Variants in ALDH4A1 observed in about 807,000 individuals in gnomAD.
The protein encoded by ALDH4A1 is delta-1-pyrroline-5-carboxylate dehydrogenase, mitochondrial.
In ALDH4A1, 46 loss-of-function variants were observed where a neutral mutation model predicts 70.5. The observed-to-expected ratio is 0.65, with a 90% CI of 0.51 to 0.83. The LOEUF (loss-of-function observed/expected upper bound fraction) is 0.83, where lower values mean the gene tolerates loss of function less well. ALDH4A1 is among the 40% of genes least tolerant of loss of function. The pLI is 0.00. For missense variants in ALDH4A1, 749 were observed against 766.5 expected (o/e 0.98, Z 0.27); for synonymous variants, 323 against 324.3 (o/e 1.00, Z 0.04).
chr1:18,885,829 T>C (rs1935180404), intron 4 of ALDH4A1, among the ~76,000 whole-genome samples: 1 of 152,180 alleles, frequency 6.6e-6, no homozygotes, highest in Non-Finnish European at 1.5e-5. Context: ...GTCTGAAGCC[T>C]GAAGGGCCCG....
At chr1:18,878,999 C>T (rs1478759861) in intron 9 of ALDH4A1, among the ~76,000 whole-genome samples, 1 of 152,192 alleles carries the variant, frequency 6.6e-6, no homozygotes. Context: ...CCACCAGCCA[C>T]GACTGGCTAC....
In ALDH4A1 at chr1:18,894,728, G is replaced by T. The variant is rs547252940; in HGVS notation, c.63-4623C>A. ...CTGTGCCTGGAAGTCTCCAAGCACT[G>T]GCCCAGCTGTCCGTCCATCAGTCTG... On this transcript the variant is annotated intron_variant, in intron 1 of 14. Transcript: ENST00000375341. 2.0e-5 allele frequency among the ~76,000 whole-genome samples: 3 copies of T among 152,284 alleles called. No homozygotes were observed. The South Asian group carries it at 6.2e-4, about 32-fold the overall frequency.
At chr1:18,895,348 A>G (rs16862344) in intron 1 of ALDH4A1, among the ~76,000 whole-genome samples, 12,237 of 152,244 alleles carry the variant, frequency 0.08, 742 homozygotes, top group African/African-American at 0.17. Flanking sequence ...AGTGGGATCT[A>G]ATCTACGAAG....
intron 1 of ALDH4A1, among the ~76,000 whole-genome samples, chr1:18,894,468 G>T (rs544954404): frequency 1.3e-5 from 2 of 152,370 alleles, no homozygotes; most frequent in Non-Finnish European, 2.9e-5. Flanking sequence ...ACTTGAACCT[G>T]GGAGGTAGAG....
Position 18,876,371 on chromosome 1 carries a change from A to G in ALDH4A1, c.1282T>C (p.Phe428Leu). ...GGKCDDSVGY[F>L]VEPCIVESKD... ...CTCTCCACGATGCAGGGCTCCACAA[A>G]GTAGCCCACGGAGTCATCACACTTG... The change falls in exon 12 of 15, where the codon TTT becomes CTT. Residue 428 changes from phenylalanine (F) to leucine (L), a missense_variant. Phe to Leu is a conservative substitution (Grantham distance 22, BLOSUM62 0). Transcript: ENST00000375341. 1 of 1,613,876 alleles carries G rather than the reference A, an allele frequency of 6.2e-7. No individual in the cohort carries two copies. Among genetic ancestry groups the G allele is most frequent in the Non-Finnish European group, 8.5e-7 (1 of 1,179,972 alleles).
In ALDH4A1 at chr1:18,883,137, G is replaced by A. The variant is rs1339003841; in HGVS notation, c.665C>T (p.Ala222Val). 3 of 1,613,132 alleles carry A rather than the reference G, an allele frequency of 1.9e-6. No homozygotes were observed. The highest frequency in any genetic ancestry group is 1.7e-6 in the Non-Finnish European group (2 of 1,180,036). ...FTAIGGNLAG[A>V]PALMGNVVLW... ...CCCACATCTCACCATCAGGGCCGGT[G>A]CCCCCGCCAGGTTGCCGCCGATTGC... The change falls in exon 7 of 15, where the codon GCA becomes GTA. Residue 222 changes from alanine to valine, a missense_variant. Coordinates refer to ENST00000375341, the MANE Select transcript of ALDH4A1 (RefSeq NM_003748.4).
chr1:18,878,965 C>A (rs998625412), intron 9 of ALDH4A1, among the ~76,000 whole-genome samples: 1 of 152,242 alleles, frequency 6.6e-6, no homozygotes, highest in African/African-American at 2.4e-5. Context: ...CCTCCGCTTA[C>A]AGCTGCAATG....
intron 8 of ALDH4A1, 68 bp downstream of exon 8, chr1:18,881,632 G>A: frequency 1.4e-6 from 2 of 1,481,326 alleles, no homozygotes; most frequent in South Asian, 1.2e-5. Context: ...CCCATCCCCA[G>A]GCAGACAGCA....
At chr1:18,902,320 A>T in intron 1 of ALDH4A1, 142 bp downstream of exon 1, 1 of 576,968 alleles carries the variant, frequency 1.7e-6, no homozygotes, top group South Asian at 4.0e-5. Flanking sequence ...GTCGGAGGGG[A>T]GCCCCTGAGG....
chr1:18,888,911 G>A (rs1935326645), intron 3 of ALDH4A1, among the ~76,000 whole-genome samples: 1 of 152,210 alleles, frequency 6.6e-6, no homozygotes, highest in Admixed American at 6.5e-5. Context: ...TTTGCAAAAG[G>A]GCTGACCTTT....
chr1:18,895,592 C>T (rs1438823262), intron 1 of ALDH4A1, among the ~76,000 whole-genome samples: 2 of 152,230 alleles, frequency 1.3e-5, no homozygotes, highest in Non-Finnish European at 2.9e-5. Flanking sequence ...TCACCTCCTG[C>T]ACCAGATGTC....
chr1:18,881,598 G>A (rs552699427), intron 8 of ALDH4A1, 102 bp downstream of exon 8: 83 of 1,319,616 alleles, frequency 6.3e-5, no homozygotes, highest in East Asian at 4.7e-4. Flanking sequence ...AGTAGAGTCC[G>A]TGCATGACCC....
At chr1:18,887,109 T>A (rs2100585920) in intron 3 of ALDH4A1, among the ~76,000 whole-genome samples, 1 of 152,334 alleles carries the variant, frequency 6.6e-6, no homozygotes, top group South Asian at 2.1e-4. Context: ...AAGCCCCAGA[T>A]TTACTAATCT....
intron 5 of ALDH4A1, among the ~76,000 whole-genome samples, chr1:18,884,234 C>T (rs1011473509): frequency 3.3e-5 from 5 of 152,212 alleles, no homozygotes; most frequent in Admixed American, 2.0e-4. Flanking sequence ...GCAGAGCTGA[C>T]GCCCACCCCA....
Position 18,890,124 on chromosome 1 carries a change from G to T in ALDH4A1, c.63-19C>A. On this transcript the variant is annotated intron_variant, in intron 1 of 14. Coordinates refer to ENST00000375341, the MANE Select transcript of ALDH4A1 (RefSeq NM_003748.4). ...CCGCAGGCTGGAACACAAGGGCAGG[G>T]GACAGAGGCAGAGAGGTCAGCAGCG... 1 of 1,597,964 alleles carries T rather than the reference G, an allele frequency of 6.3e-7. No homozygotes were observed. Among genetic ancestry groups the T allele is most frequent in the South Asian group, 1.1e-5 (1 of 89,302 alleles).
chr1:18,877,633 G>GCCCCGCCACCCC, intron 9 of ALDH4A1, 21 bp from the exon 10 acceptor site: 1 of 683,792 alleles, frequency 1.5e-6, no homozygotes. Context: ...CGGGGGTGGG[G>GCCCCGCCACCCC]AAATGACCAG....
intron 1 of ALDH4A1, chr1:18,900,727 G>A (rs1935771292): frequency 1.9e-6 from 1 of 513,402 alleles, no homozygotes; most frequent in African/African-American, 2.1e-5. Flanking sequence ...GGAACCAGCT[G>A]CAAAATGCTC....
intron 3 of ALDH4A1, among the ~76,000 whole-genome samples, chr1:18,887,324 G>A (rs183620020): frequency 4.6e-5 from 7 of 152,392 alleles, no homozygotes; most frequent in Middle Eastern, 3.4e-3. Flanking sequence ...TGTTGGCCGG[G>A]CGCGGTGGCT....
At chr1:18,878,606 G>C (rs1934827634) in intron 9 of ALDH4A1, among the ~76,000 whole-genome samples, 1 of 152,078 alleles carries the variant, frequency 6.6e-6, no homozygotes, top group Non-Finnish European at 1.5e-5. Flanking sequence ...CAAAACACTT[G>C]GTCCATGGGG....
Sources: allele counts gnomAD v4.1 joint callset (sites outside exome capture counted in the v4.1 genomes callset), GRCh38; gene constraint gnomAD v4.1.1; transcripts MANE v1.5; gene names NCBI Gene and HGNC (gene_info 2026-07-23, HGNC 2026-07-21).